EXOC6: variants seen among roughly 807,000 people sequenced by gnomAD.
EXOC6 encodes the protein exocyst complex component 6.
A neutral mutation model predicts 112.5 loss-of-function variants in EXOC6; 60 were observed. The ratio of observed to expected loss-of-function variants is 0.53; its 90% confidence interval spans 0.43 to 0.66. EXOC6 has a LOEUF of 0.66. Ranked by LOEUF, EXOC6 falls within the 30% of genes least tolerant of loss-of-function variation. The pLI, the probability that EXOC6 is intolerant of heterozygous loss-of-function variation, is 0.00. For synonymous variants in EXOC6, 295 were observed against 308.0 expected (o/e 0.96, Z 0.44); for missense variants, 855 against 957.1 (o/e 0.89, Z 1.41).
At chr10:92,896,113 A>ATATATGTG (rs1554889116) in intron 4 of EXOC6, among the ~76,000 whole-genome samples, 400 of 33,116 alleles carry the variant, frequency 0.012, 30 homozygotes, top group South Asian at 0.015. Flanking sequence ...ATATATGTGT[A>ATATATGTG]TATATATGTG....
At chr10:92,903,568 G>A (rs78070778) in intron 5 of EXOC6, among the ~76,000 whole-genome samples, 3,337 of 151,844 alleles carry the variant, frequency 0.022, 56 homozygotes, top group African/African-American at 0.041. Flanking sequence ...GTGCCTTTTT[G>A]TTTGGTATTT....
Position 92,935,904 on chromosome 10 carries a change from A to C in EXOC6, c.1212+19A>C. 6.9e-7 allele frequency: 1 copy of C among 1,442,404 alleles called. No individual in the cohort carries two copies. The highest frequency in any genetic ancestry group is 9.7e-7 in the Non-Finnish European group (1 of 1,030,164). 89.4% of individuals were successfully genotyped at this position (1,442,404 alleles called of 1,614,324 possible). A position where few individuals can be genotyped will look rare whatever the true frequency, so the allele number is the denominator to read the frequency against. On this transcript the variant is annotated intron_variant, in intron 12 of 21. Transcript: ENST00000260762. ...TTTACAGGTGGGTGATAACCTAACA[A>C]TTAATGGTTATTCTGATCACTTAAA... is the stretch of plus-strand genomic sequence containing the variant.
chr10:92,984,565 T>C (rs140831261), intron 18 of EXOC6, among the ~76,000 whole-genome samples: 6 of 152,274 alleles, frequency 3.9e-5, no homozygotes, highest in African/African-American at 1.4e-4. Context: ...AAATTACCAG[T>C]CGGTTTTGCT....
At chr10:92,980,559 C>G (rs1001628478) in intron 18 of EXOC6, among the ~76,000 whole-genome samples, 2 of 151,938 alleles carry the variant, frequency 1.3e-5, no homozygotes, top group Non-Finnish European at 2.9e-5. Flanking sequence ...ATTCTTATGA[C>G]TTTGTATTAT....
intron 1 of EXOC6, among the ~76,000 whole-genome samples, chr10:92,853,004 C>G (rs559023720): frequency 8.5e-5 from 13 of 152,102 alleles, no homozygotes; most frequent in Non-Finnish European, 1.8e-4. Flanking sequence ...TATAGAAAAT[C>G]CTGTGGAATG....
intron 1 of EXOC6, among the ~76,000 whole-genome samples, chr10:92,852,462 CAA>C (rs67013330): frequency 0.99 from 150,582 of 152,218 alleles, 74,506 homozygotes; most frequent in Middle Eastern, 1. Flanking sequence ...ACAGATTTTA[CAA>C]AAAATTTTAG....
intron 18 of EXOC6, among the ~76,000 whole-genome samples, chr10:92,981,025 T>A (rs1201699184): frequency 1.3e-5 from 2 of 152,156 alleles, no homozygotes; most frequent in East Asian, 3.9e-4. Flanking sequence ...CGACTCTGTC[T>A]TACAAAATAA....
chr10:92,970,189 A>G (rs1359028381), intron 17 of EXOC6, among the ~76,000 whole-genome samples: 1 of 152,164 alleles, frequency 6.6e-6, no homozygotes, highest in Non-Finnish European at 1.5e-5. Context: ...TTCATTCCAT[A>G]TCTCTGGGTT....
At chr10:92,975,891 G>T in intron 18 of EXOC6, among the ~76,000 whole-genome samples, 1 of 77,272 alleles carries the variant, frequency 1.3e-5, no homozygotes, top group Admixed American at 1.2e-4. Context: ...CCCTCTGCCT[G>T]GCCAGCCGCC....
In EXOC6 at chr10:92,967,434, T is replaced by C. The variant is rs551706480; in HGVS notation, c.1774-6619T>C. ...TGGTTAATATTTCAATTGTCCCATA[T>C]TGCTTTTTTAAATCTAGGAAAATGT... is the stretch of plus-strand genomic sequence containing the variant. On this transcript the variant is annotated intron_variant, in intron 17 of 21. Transcript: ENST00000260762. Among the ~76,000 whole-genome samples, 69 of 152,318 alleles carry C rather than the reference T, an allele frequency of 4.5e-4. No individual in the cohort carries two copies. The East Asian group carries it at 0.013, about 28-fold the overall frequency.
At chr10:92,882,915 CAGGT>C (rs1849036139) in intron 1 of EXOC6, among the ~76,000 whole-genome samples, 2 of 152,174 alleles carry the variant, frequency 1.3e-5, no homozygotes, top group South Asian at 4.1e-4. Flanking sequence ...CATGGTCACT[CAGGT>C]AGGAACAAAT....
intron 1 of EXOC6, among the ~76,000 whole-genome samples, chr10:92,863,927 A>C (rs1418182421): frequency 2.0e-5 from 3 of 150,932 alleles, no homozygotes; most frequent in Non-Finnish European, 3.0e-5. Context: ...AAAAAAAAAA[A>C]CAAAACAAAA....
At chr10:92,948,630 G>A (rs945476154) in intron 14 of EXOC6, among the ~76,000 whole-genome samples, 2 of 130,662 alleles carry the variant, frequency 1.5e-5, no homozygotes, top group African/African-American at 5.4e-5. Flanking sequence ...CTGAGATTTC[G>A]ATGACGTTAA....
intron 18 of EXOC6, among the ~76,000 whole-genome samples, chr10:92,975,593 C>T (rs1287180709): frequency 6.8e-6 from 1 of 147,186 alleles, no homozygotes; most frequent in Non-Finnish European, 1.5e-5. Flanking sequence ...GCCCGGCCAG[C>T]CGCCCCGTCC....
At chr10:92,935,453 T>C (rs1852287754) in intron 11 of EXOC6, among the ~76,000 whole-genome samples, 1 of 152,094 alleles carries the variant, frequency 6.6e-6, no homozygotes, top group African/African-American at 2.4e-5. Context: ...GAAATTGTAA[T>C]TCTTATATTG....
chr10:92,838,508 G>A (rs1245743818), intron 1 of EXOC6, among the ~76,000 whole-genome samples: 1 of 152,144 alleles, frequency 6.6e-6, no homozygotes, highest in African/African-American at 2.4e-5. Flanking sequence ...AAGGCCCATA[G>A]CATTAAGTTT....
At chr10:92,910,080 C>G (rs1850654992) in intron 6 of EXOC6, among the ~76,000 whole-genome samples, 2 of 152,160 alleles carry the variant, frequency 1.3e-5, no homozygotes, top group African/African-American at 4.8e-5. Context: ...TGGGAAAAGC[C>G]TCAGCAGTTA....
intron 1 of EXOC6, among the ~76,000 whole-genome samples, chr10:92,889,144 T>G (rs1196136791): frequency 6.6e-6 from 1 of 152,220 alleles, no homozygotes; most frequent in African/African-American, 2.4e-5. Flanking sequence ...ACTCAGTTGT[T>G]CAGCCACTGG....
chr10:92,946,385 C>T (rs1032843528), intron 13 of EXOC6, among the ~76,000 whole-genome samples: 1 of 151,590 alleles, frequency 6.6e-6, no homozygotes, highest in African/African-American at 2.4e-5. Flanking sequence ...CAGAGTGAGA[C>T]CCTGTCTTAA....
Sources: gnomAD v4.1 joint callset for allele counts (sites outside exome capture counted in the v4.1 genomes callset) on GRCh38, gnomAD v4.1.1 for gene constraint, MANE v1.5 for transcripts, NCBI Gene and HGNC (gene_info 2026-07-23, HGNC 2026-07-21) for gene names.